MAML1: variants seen among roughly 807,000 people sequenced by gnomAD.
The protein encoded by MAML1 is mastermind-like protein 1.
Under a neutral mutation model 77.1 loss-of-function variants are expected in MAML1, and 14 were observed. The observed-to-expected ratio is 0.18, with a 90% confidence interval of 0.12 to 0.28. The LOEUF (loss-of-function observed/expected upper bound fraction) is 0.28. MAML1 is among the 10% of genes least tolerant of loss of function. The pLI is 1.00. For synonymous variants in MAML1, 516 were observed against 551.9 expected, an observed-to-expected ratio of 0.93 and a Z score of 0.91; for missense variants, 1,217 against 1,327.8, an observed-to-expected ratio of 0.92 and a Z score of 1.30.
intron 1 of MAML1, among the ~76,000 whole-genome samples, chr5:179,764,552 C>G (rs1266224000): frequency 6.6e-6 from 1 of 151,852 alleles, no homozygotes; most frequent in Non-Finnish European, 1.5e-5. Flanking sequence ...CCCAGCTACT[C>G]TGGAGGCTGA....
chr5:179,738,045 A>G (rs4700837), intron 1 of MAML1, among the ~76,000 whole-genome samples: 141,759 of 152,238 alleles, frequency 0.93, 66,860 homozygotes, highest in East Asian at 1. Context: ...TTAGGTGTGT[A>G]AAGTTTCTTT....
intron 1 of MAML1, among the ~76,000 whole-genome samples, chr5:179,744,539 ATT>A (rs60338689): frequency 2.2e-4 from 31 of 140,774 alleles, no homozygotes; most frequent in Admixed American, 5.7e-4. Flanking sequence ...TTTTGGCAGG[ATT>A]TTTTTTTTTT....
chr5:179,770,703 G>A lies in MAML1; in HGVS notation c.1972-444G>A, dbSNP rs1405239407. On this transcript the variant is annotated intron_variant, in intron 3 of 4. Transcript: ENST00000292599. The stretch of plus-strand genomic sequence containing the variant: ...ATTTTTCTTGGGTAGATACCTGGGA[G>A]TGGAATTGCTGGATCACATGGTAAT... Among the ~76,000 whole-genome samples, 3 of 152,168 alleles carry A rather than the reference G, an allele frequency of 2.0e-5. No homozygotes were observed. The East Asian group carries it at 5.8e-4, about 29-fold the overall frequency.
chr5:179,758,278 T>C (rs985087586), intron 1 of MAML1, among the ~76,000 whole-genome samples: 1 of 152,336 alleles, frequency 6.6e-6, no homozygotes, highest in Admixed American at 6.5e-5. Context: ...GTGGTTTGTA[T>C]TCTAAATCAG....
rs777690278 is a variant in MAML1, at chr5:179,765,337, T to C, written c.327T>C (p.Asp109=). Residue 109 remains aspartate (D), a synonymous_variant, in exon 2 of 5, where the codon GAT becomes GAC. Transcript: ENST00000292599. Reference sequence around the variant, plus strand: ...TCAATGTTTTTCAGCATCTTCATGATACAGTTAAGAGGAATCTTGACAGCG... The same window carrying C: ...TCAATGTTTTTCAGCATCTTCATGACACAGTTAAGAGGAATCTTGACAGCG... ...EHGRPATHLH[D]TVKRNLDSAT... is the part of the protein sequence containing the mutation. 1.3e-6 allele frequency: 2 copies of C among 1,594,460 alleles called. No homozygotes were observed. The highest frequency in any genetic ancestry group is 2.2e-5 in the East Asian group (1 of 44,742).
chr5:179,752,350 A>AAAAAAATAAATAT (rs1554150144), intron 1 of MAML1, among the ~76,000 whole-genome samples: 1 of 66,722 alleles, frequency 1.5e-5, no homozygotes, highest in African/African-American at 6.8e-5. Flanking sequence ...AAAAAAAAAA[A>AAAAAAATAAATAT]ATATATATAT....
intron 1 of MAML1, among the ~76,000 whole-genome samples, chr5:179,751,635 G>A (rs1779491298): frequency 6.6e-6 from 1 of 152,062 alleles, no homozygotes; most frequent in Non-Finnish European, 1.5e-5. Context: ...AACCCGGGAG[G>A]CAGCGGGTGC....
At chr5:179,745,233 A>G (rs1166754785) in intron 1 of MAML1, among the ~76,000 whole-genome samples, 1 of 152,118 alleles carries the variant, frequency 6.6e-6, no homozygotes, top group African/African-American at 2.4e-5. Context: ...AGTAATTATT[A>G]TGTAAAAAAG....
At chr5:179,751,145 T>A (rs760112652) in intron 1 of MAML1, among the ~76,000 whole-genome samples, 12 of 152,036 alleles carry the variant, frequency 7.9e-5, no homozygotes, top group Non-Finnish European at 1.6e-4. Flanking sequence ...AGCTAATTTT[T>A]TATTTTTAGT....
rs544002958 is a variant in MAML1, at chr5:179,776,872, C to T, written c.*1995C>T. ...TGGCTTTATTTATGAACCTGGTTTTCGGGAGTCAGGGGAGGAGATGACTTT... is the reference window on the plus strand; with the variant it reads ...TGGCTTTATTTATGAACCTGGTTTTTGGGAGTCAGGGGAGGAGATGACTTT... On this transcript the variant is annotated 3_prime_UTR_variant, in exon 5 of 5. Transcript: ENST00000292599. The T allele has an allele frequency of 6.1e-6, 6 of 985,884 alleles. No homozygotes were observed. The highest frequency in any genetic ancestry group is 1.1e-4 in the East Asian group (1 of 8,814). 61.1% of individuals were successfully genotyped at this position (985,884 alleles called of 1,614,324 possible).
chr5:179,774,956 G>C lies in MAML1; in HGVS notation c.*79G>C. On this transcript the variant is annotated 3_prime_UTR_variant, in exon 5 of 5. Transcript: ENST00000292599. ...GATTCAAAGAAAGAGCAACTACTTTGGACCAAAAGCCCATGGCCTGGGGAG... is the reference window on the plus strand; with the variant it reads ...GATTCAAAGAAAGAGCAACTACTTTCGACCAAAAGCCCATGGCCTGGGGAG... 1 of 1,511,504 alleles carries C rather than the reference G, an allele frequency of 6.6e-7. No homozygotes were observed. Among genetic ancestry groups the C allele is most frequent in the African/African-American group, 1.4e-5 (1 of 72,166 alleles). 93.6% of individuals were successfully genotyped at this position (1,511,504 alleles called of 1,614,324 possible).
intron 1 of MAML1, among the ~76,000 whole-genome samples, chr5:179,741,168 T>C (rs975993186): frequency 6.6e-6 from 1 of 152,190 alleles, no homozygotes; most frequent in East Asian, 1.9e-4. Context: ...CTGGGAATTT[T>C]CCACTCCTTT....
intron 1 of MAML1, among the ~76,000 whole-genome samples, chr5:179,741,591 C>T (rs776206841): frequency 6.8e-6 from 1 of 147,686 alleles, no homozygotes; most frequent in Admixed American, 7.0e-5. Flanking sequence ...GAGGCTGAGG[C>T]AGGATAATCA....
chr5:179,762,395 G>A (rs1170571597), intron 1 of MAML1, among the ~76,000 whole-genome samples: 2 of 152,042 alleles, frequency 1.3e-5, no homozygotes, highest in African/African-American at 4.8e-5. Flanking sequence ...TGGCCTCCCA[G>A]CGAGGGAGCT....
Position 179,774,337 on chromosome 5 carries a change from C to T in MAML1, c.2511C>T (p.Ser837=). The part of the protein sequence containing the change: ...RVSPAMGGQN[S]SWQHQGMPNL... ...CACCAGCCATGGGAGGCCAGAATTC[C>T]TCCTGGCAGCATCAGGGAATGCCGA... Residue 837 remains serine, a synonymous_variant, in exon 5 of 5, where the codon TCC becomes TCT. Coordinates refer to ENST00000292599, the MANE Select transcript of MAML1 (RefSeq NM_014757.5). 2 of 1,613,400 alleles carry T rather than the reference C, an allele frequency of 1.2e-6. No individual in the cohort carries two copies. Among genetic ancestry groups the T allele is most frequent in the Non-Finnish European group, 1.7e-6 (2 of 1,180,026 alleles).
chr5:179,768,825 C>T lies in MAML1; in HGVS notation c.1732-25C>T, dbSNP rs182088790. On this transcript the variant is annotated intron_variant, in intron 2 of 4. Transcript: ENST00000292599. ...TGGTCTGATCAGAGCTTAGAGACTT[C>T]ACAGTCCCCTATCTGTGTTGACAGG... 6.2e-3 allele frequency: 10,042 copies of T among 1,612,928 alleles called. 48 individuals are homozygous for T. The highest frequency in any genetic ancestry group is 7.4e-3 in the Non-Finnish European group (8,746 of 1,179,088).
chr5:179,760,881 G>A (rs1188288204), intron 1 of MAML1, among the ~76,000 whole-genome samples: 2 of 151,746 alleles, frequency 1.3e-5, no homozygotes, highest in Admixed American at 6.6e-5. Flanking sequence ...CACAAGGTCA[G>A]GAGATCGAGA....
chr5:179,760,004 G>A (rs74677716), intron 1 of MAML1, among the ~76,000 whole-genome samples: 1,926 of 152,232 alleles, frequency 0.013, 34 homozygotes, highest in African/African-American at 0.044. Context: ...GTGACAGGGC[G>A]GCTGGTAGTG....
Position 179,733,011 on chromosome 5 carries a change from C to A in MAML1, c.-102C>A. The A allele has an allele frequency of 1.4e-6, 1 of 690,564 alleles. No individual in the cohort carries two copies. The highest frequency in any genetic ancestry group is 2.0e-6 in the Non-Finnish European group (1 of 507,956). The allele number at this position is 690,564 out of a possible 1,614,324, so 42.8% of individuals were successfully genotyped here. ...CTCCGCTGCCCTCGGGGGCATGGCG[C>A]GGCCGTGAGGCGGAGAGGGGTAGCC... On this transcript the variant is annotated 5_prime_UTR_variant, in exon 1 of 5. Coordinates refer to ENST00000292599, the MANE Select transcript of MAML1 (RefSeq NM_014757.5).
Sources: gnomAD v4.1 joint callset for allele counts (sites outside exome capture counted in the v4.1 genomes callset) on GRCh38, gnomAD v4.1.1 for gene constraint, MANE v1.5 for transcripts, NCBI Gene and HGNC (gene_info 2026-07-23, HGNC 2026-07-21) for gene names.